Variants in FBXO15 observed in about 807,000 individuals in gnomAD.
FBXO15 encodes F-box protein 15.
Under a neutral mutation model 49.5 loss-of-function variants are expected in FBXO15, and 30 were observed. That is an observed-to-expected ratio of 0.61 (90% CI 0.45 to 0.82). The LOEUF (loss-of-function observed/expected upper bound fraction) is 0.82. Among genes scored for constraint, FBXO15 ranks in the 40% least tolerant of loss-of-function variants. The probability of loss-of-function intolerance (pLI) is 0.00; values close to 1 mark genes in which losing one functional copy is unlikely to be tolerated. For synonymous variants in FBXO15, 250 were observed against 232.7 expected, an observed-to-expected ratio of 1.07 and a Z score of -0.68; for missense variants, 591 against 631.5, an observed-to-expected ratio of 0.94 and a Z score of 0.69.
intron 4 of FBXO15, 99 bp downstream of exon 4, chr18:74,130,317 T>C (rs1978324061): frequency 6.8e-7 from 1 of 1,464,170 alleles, no homozygotes; most frequent in East Asian, 2.3e-5. Context: ...CACACAAAAA[T>C]ACTAGAGACA....
At position 74,130,640 on chromosome 18, in the gene FBXO15, G is replaced by A; in HGVS notation, c.351C>T (p.Ile117=). 4.3e-6 allele frequency: 7 copies of A among 1,613,048 alleles called. No homozygotes were observed. The highest frequency in any genetic ancestry group is 5.9e-6 in the Non-Finnish European group (7 of 1,179,414). The change falls in exon 4 of 10, where the codon ATC becomes ATT. Residue 117 remains isoleucine, a synonymous_variant. Coordinates refer to ENST00000419743, the MANE Select transcript of FBXO15 (RefSeq NM_001142958.2). ...LANDNFIWIG[I]YSTAFSPARS... The stretch of plus-strand genomic sequence containing the variant: ...TTGCAGGTGAAAAAGCAGTTGAGTA[G>A]ATTCCGATCCAAATAAAACTGGAGG...
chr18:74,116,444 A>C (rs184917289), intron 8 of FBXO15, among the ~76,000 whole-genome samples: 55 of 152,186 alleles, frequency 3.6e-4, no homozygotes, highest in Admixed American at 2.6e-3. Flanking sequence ...TGGTGGACTT[A>C]ATTGGAGCAT....
intron 8 of FBXO15, among the ~76,000 whole-genome samples, chr18:74,089,565 T>C (rs1912922615): frequency 6.6e-6 from 1 of 152,176 alleles, no homozygotes; most frequent in African/African-American, 2.4e-5. Flanking sequence ...TTGAAATAGA[T>C]GGCTGTTATT....
intron 8 of FBXO15, 158 bp from the exon 9 acceptor site, chr18:74,082,209 A>T (rs955486252): frequency 3.3e-5 from 18 of 547,578 alleles, no homozygotes; most frequent in Middle Eastern, 5.6e-4. Flanking sequence ...CTCTGGCTTG[A>T]GGCCAGAGTG....
At chr18:74,095,192 C>G (rs907368989) in intron 8 of FBXO15, among the ~76,000 whole-genome samples, 3 of 152,220 alleles carry the variant, frequency 2.0e-5, no homozygotes, top group African/African-American at 7.2e-5. Context: ...TCATATCAGC[C>G]ATAAGGCTGT....
At chr18:74,103,393 C>T (rs576097526) in intron 8 of FBXO15, among the ~76,000 whole-genome samples, 17 of 151,272 alleles carry the variant, frequency 1.1e-4, no homozygotes, top group African/African-American at 4.1e-4. Flanking sequence ...CCTCAAAAGG[C>T]CAAGTCTAAT....
intron 8 of FBXO15, among the ~76,000 whole-genome samples, chr18:74,115,848 G>A (rs984696476): frequency 7.2e-5 from 11 of 152,152 alleles, no homozygotes; most frequent in African/African-American, 2.7e-4. Flanking sequence ...AGAAAAATCT[G>A]GAACTGCAAA....
intron 3 of FBXO15, among the ~76,000 whole-genome samples, chr18:74,133,894 C>A (rs928453680): frequency 6.6e-6 from 1 of 152,206 alleles, no homozygotes; most frequent in Admixed American, 6.5e-5. Context: ...CAGGAGGGAT[C>A]TGTTCCCATG....
chr18:74,129,200 C>T (rs557825289), intron 5 of FBXO15, among the ~76,000 whole-genome samples: 12 of 152,148 alleles, frequency 7.9e-5, no homozygotes, highest in Admixed American at 1.3e-4. Flanking sequence ...AAAGACAACC[C>T]CAAGATACGA....
At chr18:74,112,944 C>T (rs546223363) in intron 8 of FBXO15, among the ~76,000 whole-genome samples, 2 of 152,328 alleles carry the variant, frequency 1.3e-5, no homozygotes, top group African/African-American at 4.8e-5. Flanking sequence ...ATCCAGCAAC[C>T]ACACTCCTTG....
chr18:74,105,847 T>A (rs1913734680), intron 8 of FBXO15, among the ~76,000 whole-genome samples: 2 of 152,100 alleles, frequency 1.3e-5, no homozygotes, highest in Non-Finnish European at 2.9e-5. Flanking sequence ...AAACTCCAAA[T>A]AAAAATATAT....
intron 8 of FBXO15, among the ~76,000 whole-genome samples, chr18:74,108,140 T>G (rs182223071): frequency 9.2e-5 from 14 of 151,768 alleles, no homozygotes; most frequent in African/African-American, 3.4e-4. Context: ...CAAGAAAAAA[T>G]TACAAGGCAT....
intron 2 of FBXO15, among the ~76,000 whole-genome samples, chr18:74,139,740 G>A (rs1978948710): frequency 6.6e-6 from 1 of 152,184 alleles, no homozygotes; most frequent in African/African-American, 2.4e-5. Flanking sequence ...ATGGACTTCT[G>A]AGCATCAATT....
At chr18:74,128,882 C>A (rs1315911791) in intron 5 of FBXO15, among the ~76,000 whole-genome samples, 3 of 152,192 alleles carry the variant, frequency 2.0e-5, no homozygotes, top group East Asian at 3.8e-4. Flanking sequence ...TTATTCATTG[C>A]AGTCATATAT....
In FBXO15 at chr18:74,119,766, G is replaced by A. The variant is rs150673540; in HGVS notation, c.1138+3602C>T. On this transcript the variant is annotated intron_variant, in intron 8 of 9. Coordinates refer to ENST00000419743, the MANE Select transcript of FBXO15 (RefSeq NM_001142958.2). ...GAGTGGGGAGGACAGAAAAGGATAA[G>A]GCCAGAGAGGGGATGGCAGCAGTGT... 2.0e-5 allele frequency among the ~76,000 whole-genome samples: 3 copies of A among 152,162 alleles called. No individual in the cohort carries two copies. In the East Asian group the frequency reaches 5.8e-4, roughly 29 times the overall value.
intron 2 of FBXO15, among the ~76,000 whole-genome samples, chr18:74,139,481 A>T (rs573365608): frequency 6.6e-6 from 1 of 152,356 alleles, no homozygotes; most frequent in South Asian, 2.1e-4. Context: ...GGCTTTTTTT[A>T]AAATACACTG....
chr18:74,130,232 G>T (rs192241928), intron 4 of FBXO15, among the ~76,000 whole-genome samples, 184 bp downstream of exon 4: 1 of 152,098 alleles, frequency 6.6e-6, no homozygotes, highest in African/African-American at 2.4e-5. Context: ...TTTCTGATCT[G>T]CAGTTGGTTG....
At chr18:74,080,897 A>G (rs10514109) in intron 9 of FBXO15, among the ~76,000 whole-genome samples, 13,241 of 152,276 alleles carry the variant, frequency 0.087, 814 homozygotes, top group Admixed American at 0.2. Context: ...AGACAGTCAC[A>G]TTCACATTCT....
intron 8 of FBXO15, chr18:74,097,328 G>GGGCAAGTTGAGAACA (rs1397599732): frequency 6.6e-6 from 1 of 151,596 alleles, no homozygotes; most frequent in African/African-American, 2.4e-5. Context: ...GAGGCAGGTA[G>GGGCAAGTTGAGAACA]GCTGGGGCAA....
Sources: allele counts gnomAD v4.1 joint callset (sites outside exome capture counted in the v4.1 genomes callset), GRCh38; gene constraint gnomAD v4.1.1; transcripts MANE v1.5; gene names NCBI Gene and HGNC (gene_info 2026-07-23, HGNC 2026-07-21).